The following RGPD2 variants were observed in gnomAD, a reference collection of about 807,000 sequenced individuals.
The protein encoded by RGPD2 is RANBP2 like and GRIP domain containing 2, also known as RANBP2-like and GRIP domain-containing protein 2.
A neutral mutation model predicts 36.0 loss-of-function variants in RGPD2; 2 were observed. The ratio of observed to expected loss-of-function variants is 0.06; its 90% CI spans 0.02 to 0.17. The LOEUF is 0.17. Ranked by LOEUF, RGPD2 falls within the 10% of genes least tolerant of loss-of-function variation. The pLI, the probability that RGPD2 is intolerant of heterozygous loss-of-function variation, is 1.00. For synonymous variants in RGPD2, 19 were observed against 163.8 expected (o/e 0.12, Z 6.75); for missense variants, 40 against 464.3 (o/e 0.09, Z 8.40).
At chr2:87,943,267 G>GT in the RGPD2 span, among the ~76,000 whole-genome samples, 5,940 of 122,234 alleles carry the variant, frequency 0.049, 183 homozygotes, top group Middle Eastern at 0.085. Context: ...AGCCTTTGTG[G>GT]TTTTTTTGTC....
chr2:87,757,321 GCAGA>G lies in RGPD2; in HGVS notation c.*67_*70del, dbSNP rs1383484313. 1.1e-4 allele frequency: 4 copies of G among 35,492 alleles called. No individual in the cohort carries two copies. The highest frequency in any genetic ancestry group is 9.9e-4 in the African/African-American group (3 of 3,028). 2.2% of individuals were successfully genotyped at this position (35,492 alleles called of 1,614,324 possible). On this transcript the variant is annotated 3_prime_UTR_variant, in exon 23 of 23. Transcript: ENST00000398146. ...AATTCAAACCAGAATATGTGAATAA[GCAGA>G]CAGAAAGAATCTTTTTGATGTCGAT...
At chr2:87,829,757 A>G (rs1686927327), upstream of RGPD2, among the ~76,000 whole-genome samples, 1 of 150,520 alleles carries the variant, frequency 6.6e-6, no homozygotes. Context: ...GCATGTAGGG[A>G]TTATGGGAAC....
At chr2:87,948,201 C>G in the RGPD2 span, among the ~76,000 whole-genome samples, 1 of 152,048 alleles carries the variant, frequency 6.6e-6, no homozygotes, top group African/African-American at 2.4e-5. Flanking sequence ...TTCTCTACAG[C>G]TCATTCTCCT....
intron 6 of RGPD2, among the ~76,000 whole-genome samples, chr2:87,810,157 C>CA (rs1180266192): frequency 1.0e-3 from 2 of 1,986 alleles, no homozygotes; most frequent in Non-Finnish European, 3.4e-3. Context: ...GACTCAGTCT[C>CA]AAAAAAAAAA....
intron 22 of RGPD2, among the ~76,000 whole-genome samples, chr2:87,762,580 T>C: frequency 1.1e-5 from 1 of 89,968 alleles, no homozygotes; most frequent in Admixed American, 1.1e-4. Context: ...TAGACGGGCG[T>C]GGTGGCATGC....
chr2:87,948,217 A>T, the RGPD2 span, among the ~76,000 whole-genome samples: 2 of 151,976 alleles, frequency 1.3e-5, no homozygotes, highest in African/African-American at 4.8e-5. Context: ...CTCCTTACTG[A>T]TAAAATGGGG....
the RGPD2 span, among the ~76,000 whole-genome samples, chr2:87,952,705 T>G: frequency 6.6e-6 from 1 of 151,978 alleles, no homozygotes; most frequent in Non-Finnish European, 1.5e-5. Context: ...TTCAGTTTAT[T>G]TGGAAACTTG....
the RGPD2 span, among the ~76,000 whole-genome samples, chr2:87,937,476 G>A: frequency 6.6e-6 from 1 of 151,810 alleles, no homozygotes; most frequent in Non-Finnish European, 1.5e-5. Context: ...TTCTGGTGAA[G>A]CCTCAGGAAA....
chr2:87,972,804 G>T, the RGPD2 span: 1 of 1,611,792 alleles, frequency 6.2e-7, no homozygotes, highest in South Asian at 1.1e-5. Context: ...ACTGGCTGCT[G>T]CACCTACTAC....
the RGPD2 span, among the ~76,000 whole-genome samples, chr2:87,878,258 T>C: frequency 0.08 from 9,454 of 118,654 alleles, no homozygotes; most frequent in African/African-American, 0.19. Context: ...TGTCTGCCTC[T>C]GTTATTTCAG....
chr2:87,958,622 C>T, the RGPD2 span, among the ~76,000 whole-genome samples: 2 of 152,256 alleles, frequency 1.3e-5, no homozygotes, highest in African/African-American at 2.4e-5. Context: ...GTTACTACCT[C>T]ATTAGTATTT....
the RGPD2 span, among the ~76,000 whole-genome samples, chr2:87,887,047 A>C: frequency 6.6e-6 from 1 of 151,862 alleles, no homozygotes; most frequent in Admixed American, 6.6e-5. Flanking sequence ...AAATGAAAAA[A>C]AAAAATTATA....
At chr2:87,969,789 AT>A in the RGPD2 span, among the ~76,000 whole-genome samples, 1 of 138,780 alleles carries the variant, frequency 7.2e-6, no homozygotes, top group Non-Finnish European at 1.5e-5. Context: ...TAGATGAAGT[AT>A]AAATGTACAT....
intron 1 of RGPD2, among the ~76,000 whole-genome samples, chr2:87,824,427 T>C (rs556501771): frequency 2.1e-4 from 32 of 151,970 alleles, no homozygotes; most frequent in Non-Finnish European, 3.7e-4. Context: ...CTAGAAAGCA[T>C]GGGCAGTTCA....
intron 22 of RGPD2, among the ~76,000 whole-genome samples, chr2:87,763,402 C>T (rs1684955454): frequency 7.0e-6 from 1 of 143,258 alleles, no homozygotes; most frequent in Non-Finnish European, 1.5e-5. Flanking sequence ...CGTGATCCTC[C>T]CACCTCAGCC....
chr2:87,857,766 A>G, the RGPD2 span, among the ~76,000 whole-genome samples: 1,211 of 146,092 alleles, frequency 8.3e-3, no homozygotes, highest in Admixed American at 0.052. Context: ...GTGAAACCCC[A>G]TCTCTACTAA....
the RGPD2 span, among the ~76,000 whole-genome samples, chr2:87,927,608 T>C: frequency 6.6e-6 from 1 of 151,518 alleles, no homozygotes; most frequent in Non-Finnish European, 1.5e-5. Flanking sequence ...TTTGTAAACA[T>C]CTACAGATAT....
At chr2:87,958,384 A>G in the RGPD2 span, among the ~76,000 whole-genome samples, 1 of 151,828 alleles carries the variant, frequency 6.6e-6, no homozygotes, top group South Asian at 2.1e-4. Flanking sequence ...CTTCTGATAC[A>G]TCTGTTAGTG....
intron 1 of RGPD2, among the ~76,000 whole-genome samples, chr2:87,820,120 T>C (rs1574025921): frequency 2.7e-5 from 1 of 36,544 alleles, no homozygotes; most frequent in Non-Finnish European, 5.0e-5. Context: ...ACAGAATGAT[T>C]CCATCTCAAA....
Sources: allele counts gnomAD v4.1 joint callset (sites outside exome capture counted in the v4.1 genomes callset), GRCh38; gene constraint gnomAD v4.1.1; transcripts MANE v1.5; gene names NCBI Gene and HGNC (gene_info 2026-07-23, HGNC 2026-07-21).